MVB12B: variants seen among roughly 807,000 people sequenced by gnomAD.
MVB12B encodes multivesicular body subunit 12B.
A neutral mutation model predicts 41.6 loss-of-function variants in MVB12B; 16 were observed. That is an observed-to-expected ratio of 0.38 (90% CI 0.26 to 0.58). The LOEUF is 0.58. MVB12B is among the 20% of genes least tolerant of loss of function. The pLI is 0.62. For synonymous variants in MVB12B, 133 were observed against 139.7 expected, an observed-to-expected ratio of 0.95 and a Z score of 0.34; for missense variants, 274 against 380.2, an observed-to-expected ratio of 0.72 and a Z score of 2.32.
chr9:126,470,322 C>T (rs187876727), intron 7 of MVB12B, among the ~76,000 whole-genome samples: 3 of 152,290 alleles, frequency 2.0e-5, no homozygotes, highest in East Asian at 3.9e-4. Flanking sequence ...AAGTCAAGCT[C>T]GACTTGGAAG....
At position 126,463,918 on chromosome 9, in the gene MVB12B, G is replaced by A. The variant is rs973771101; in HGVS notation, c.758-17451G>A. Among the ~76,000 whole-genome samples the A allele has an allele frequency of 3.3e-5, 5 of 152,074 alleles. No homozygotes were observed. In the South Asian group the frequency reaches 6.2e-4, roughly 19 times the overall value. ...TGCAGTACTCAAGCCTACTATCTTC[G>A]TCACTCCCGTACTTGGGCAGATAAG... On this transcript the variant is annotated intron_variant, in intron 7 of 9. Coordinates refer to ENST00000361171, the MANE Select transcript of MVB12B (RefSeq NM_033446.3).
Position 126,386,241 on chromosome 9 carries a change from TG to T in MVB12B, c.313-319del, listed in dbSNP as rs1830788963. ...TTGAGATCTGATGCTCAGGGCTGAA[TG>T]GCAGCCTGGTCCTGGGACCTGTGTG... On this transcript the variant is annotated intron_variant, in intron 3 of 9. Transcript: ENST00000361171. The surrounding 1 kb of genome is among the most constrained non-coding windows in gnomAD (Gnocchi z 4.3). Among the ~76,000 whole-genome samples the T allele has an allele frequency of 6.6e-6, 1 of 152,200 alleles. No homozygotes were observed. The highest frequency in any genetic ancestry group is 1.5e-5 in the Non-Finnish European group (1 of 68,040).
At chr9:126,495,624 G>T (rs962219150) in intron 9 of MVB12B, among the ~76,000 whole-genome samples, 2 of 152,122 alleles carry the variant, frequency 1.3e-5, no homozygotes, top group Admixed American at 1.3e-4. Context: ...GGGAGTGCGG[G>T]GTACTGTGGC....
rs1833614348 is a variant in MVB12B, at chr9:126,486,120, C to T, written c.873+2088C>T. 6.6e-6 allele frequency among the ~76,000 whole-genome samples: 1 copy of T among 152,090 alleles called. No individual in the cohort carries two copies. Among genetic ancestry groups the T allele is most frequent in the Non-Finnish European group, 1.5e-5 (1 of 68,036 alleles). ...ATAGCAAAAACAAGACAAAAAAGTC[C>T]CCCTTTGTCTTTGATTTTCAGTAAA... On this transcript the variant is annotated intron_variant, in intron 9 of 9. Transcript: ENST00000361171. This position sits in a 1 kb window ranked among gnomAD's most constrained non-coding sequence, Gnocchi z 4.7.
chr9:126,332,179 G>A (rs1417434489), intron 1 of MVB12B, among the ~76,000 whole-genome samples: 6 of 152,142 alleles, frequency 3.9e-5, no homozygotes, highest in East Asian at 1.9e-4. Context: ...ACACACCCCC[G>A]TCTTTCAGGG....
chr9:126,417,378 A>G (rs978983994), intron 6 of MVB12B, among the ~76,000 whole-genome samples: 2 of 152,216 alleles, frequency 1.3e-5, no homozygotes, highest in East Asian at 3.8e-4. Context: ...TATGAACAGA[A>G]ACCTTCTTTT....
rs1307354598 is a variant in MVB12B, at chr9:126,386,917, T to G, written c.409+259T>G. Among the ~76,000 whole-genome samples, 3 of 152,012 alleles carry G rather than the reference T, an allele frequency of 2.0e-5. No individual in the cohort carries two copies. The highest frequency in any genetic ancestry group is 7.3e-5 in the African/African-American group (3 of 41,358). ...GGTGCTCCCTGCTGAATCGGCTCAC[T>G]GGGGAATGGAATGGTGAAACTATAC... On this transcript the variant is annotated intron_variant, in intron 4 of 9. Transcript: ENST00000361171. The surrounding 1 kb of genome is among the most constrained non-coding windows in gnomAD (Gnocchi z 4.3).
At chr9:126,454,246 C>G (rs1832936530) in intron 7 of MVB12B, among the ~76,000 whole-genome samples, 1 of 152,244 alleles carries the variant, frequency 6.6e-6, no homozygotes, top group Non-Finnish European at 1.5e-5. Flanking sequence ...AATGTGTTCA[C>G]CCTGCCCCTT....
At chr9:126,407,110 TG>T (rs1831457710) in intron 6 of MVB12B, among the ~76,000 whole-genome samples, 1 of 152,220 alleles carries the variant, frequency 6.6e-6, no homozygotes, top group Non-Finnish European at 1.5e-5. Context: ...GTGGTGGTTT[TG>T]CTTGACCCCA....
chr9:126,379,660 A>G (rs906278366), intron 2 of MVB12B, among the ~76,000 whole-genome samples: 1 of 152,160 alleles, frequency 6.6e-6, no homozygotes, highest in Non-Finnish European at 1.5e-5. Flanking sequence ...CTAATTTACA[A>G]TTGTTTGGTT....
Position 126,391,928 on chromosome 9 carries a change from C to T in MVB12B, c.410-138C>T, listed in dbSNP as rs1262169410. ...CCCGGGGAAGGCAGGCGGCAGAGCG[C>T]AGCCCTTCTGTCCAGCAGCTTAGGT... is the stretch of plus-strand genomic sequence containing the variant. On this transcript the variant is annotated intron_variant, in intron 4 of 9. Transcript: ENST00000361171. The surrounding 1 kb of genome is among the most constrained non-coding windows in gnomAD (Gnocchi z 4.4). 3.0e-6 allele frequency: 3 copies of T among 1,005,814 alleles called. No homozygotes were observed. The highest frequency in any genetic ancestry group is 4.5e-6 in the Non-Finnish European group (3 of 661,692). 62.3% of individuals were successfully genotyped at this position (1,005,814 alleles called of 1,614,324 possible).
At chr9:126,481,473 A>C (rs775915963) in intron 8 of MVB12B, 49 bp downstream of exon 8, 1 of 1,371,722 alleles carries the variant, frequency 7.3e-7, no homozygotes, top group Non-Finnish European at 1.0e-6. Flanking sequence ...CCCCAGCCTG[A>C]GGTCCCTCCA....
Position 126,404,012 on chromosome 9 carries a change from G to A in MVB12B, c.662+8315G>A, listed in dbSNP as rs140316867. ...ACTGTCGCCCAGGCTGGAGTGCAGT[G>A]CTGCTATCTCGGCTCACTGCAACCT... On this transcript the variant is annotated intron_variant, in intron 6 of 9. Transcript: ENST00000361171. 3.7e-4 allele frequency among the ~76,000 whole-genome samples: 51 copies of A among 138,970 alleles called. 1 individual carries two copies. In the East Asian group the frequency reaches 6.6e-3, roughly 18 times the overall value. The allele number at this position is 138,970 out of a possible 152,430, so 91.2% of individuals were successfully genotyped here.
intron 6 of MVB12B, among the ~76,000 whole-genome samples, chr9:126,409,117 G>T (rs976487226): frequency 1.4e-5 from 2 of 141,378 alleles, no homozygotes; most frequent in African/African-American, 3.2e-5. Context: ...TTCCATTGTG[G>T]GGGGGGGCTC....
intron 7 of MVB12B, among the ~76,000 whole-genome samples, chr9:126,427,977 T>C (rs553819416): frequency 6.6e-6 from 1 of 152,088 alleles, no homozygotes; most frequent in Non-Finnish European, 1.5e-5. Context: ...TTTGCTTTTC[T>C]TTTTGATTGC....
intron 2 of MVB12B, among the ~76,000 whole-genome samples, chr9:126,350,027 C>T (rs1170791743): frequency 1.3e-5 from 2 of 152,100 alleles, no homozygotes; most frequent in Non-Finnish European, 2.9e-5. Flanking sequence ...TTGTTTTAGC[C>T]ATTCTGACAC....
At chr9:126,354,561 T>A (rs1016295384) in intron 2 of MVB12B, among the ~76,000 whole-genome samples, 43 of 152,094 alleles carry the variant, frequency 2.8e-4, no homozygotes, top group African/African-American at 1.0e-3. Flanking sequence ...TGTAAGCGAG[T>A]GATCCAAGTT....
rs754727348 is a variant in MVB12B, at chr9:126,481,382, G to T, written c.771G>T (p.Val257=). 6.2e-7 allele frequency: 1 copy of T among 1,613,592 alleles called. No homozygotes were observed. The highest frequency in any genetic ancestry group is 1.7e-5 in the Admixed American group (1 of 60,018). Residue 257 remains valine, a synonymous_variant, in exon 8 of 10, where the codon GTG becomes GTT. Transcript: ENST00000361171. ...CTTCTTTTGCAGCAATGGATGGTGT[G>T]CCTTTTATGATTTCAGAGAAGTTTT... is the stretch of plus-strand genomic sequence containing the variant. ...NLYAISAMDG[V]PFMISEKFSC... is the part of the protein sequence containing the mutation.
rs544828602 is a variant in MVB12B at position 126,481,506 on chromosome 9, G to C, written c.813+82G>C. On this transcript the variant is annotated intron_variant, in intron 8 of 9. Coordinates refer to ENST00000361171, the MANE Select transcript of MVB12B (RefSeq NM_033446.3). ...CCATCCTGATTTACACAGCACGCAG[G>C]GCTGTTCTGGCAGTACTCACGCCCC... 4 of 1,018,114 alleles carry C rather than the reference G, an allele frequency of 3.9e-6. No homozygotes were observed. In the African/African-American group the frequency reaches 6.3e-5, roughly 16 times the overall value. The allele number at this position is 1,018,114 out of a possible 1,614,324, so 63.1% of individuals were successfully genotyped here. A position where few individuals can be genotyped will look rare whatever the true frequency, so the allele number is the denominator to read the frequency against.
Sources: gnomAD v4.1 joint callset for allele counts (sites outside exome capture counted in the v4.1 genomes callset) on GRCh38, gnomAD v4.1.1 for gene constraint, Gnocchi (gnomAD v3.1) non-coding constraint, MANE v1.5 for transcripts, NCBI Gene and HGNC (gene_info 2026-07-23, HGNC 2026-07-21) for gene names.